Variants in KIF26B observed in about 807,000 individuals in gnomAD.
The protein encoded by KIF26B is kinesin-like protein KIF26B.
KIF26B carries 63 observed loss-of-function variants against 151.2 expected under a neutral mutation model. The ratio of observed to expected loss-of-function variants is 0.42; its 90% confidence interval spans 0.34 to 0.51. KIF26B has a LOEUF of 0.51. KIF26B is among the 20% of genes least tolerant of loss of function. The pLI is 0.07. For synonymous variants in KIF26B, 1,357 were observed against 1,262.1 expected, an observed-to-expected ratio of 1.08 and a Z score of -1.59; for missense variants, 2,813 against 2,913.6, an observed-to-expected ratio of 0.97 and a Z score of 0.79.
In KIF26B at chr1:245,698,362, G is replaced by A; in HGVS notation, c.6027+54G>A. 6.6e-7 allele frequency: 1 copy of A among 1,524,430 alleles called. No individual in the cohort carries two copies. Among genetic ancestry groups the A allele is most frequent in the Non-Finnish European group, 9.0e-7 (1 of 1,113,922 alleles). The allele number at this position is 1,524,430 out of a possible 1,614,324, so 94.4% of individuals were successfully genotyped here. On this transcript the variant is annotated intron_variant, in intron 13 of 14. Coordinates refer to ENST00000407071, the MANE Select transcript of KIF26B (RefSeq NM_018012.4). The surrounding 1 kb of genome is among the most constrained non-coding windows in gnomAD (Gnocchi z 4.0). ...CTACGTGGTGGCAGCTCCCCACCAAGCCTGAGCAGGTGCTAGGCAGGGCCC... is the reference window on the plus strand; with the variant it reads ...CTACGTGGTGGCAGCTCCCCACCAAACCTGAGCAGGTGCTAGGCAGGGCCC...
intron 2 of KIF26B, among the ~76,000 whole-genome samples, chr1:245,300,020 T>C (rs1671401827): frequency 6.6e-6 from 1 of 152,192 alleles, no homozygotes; most frequent in Non-Finnish European, 1.5e-5. Flanking sequence ...ATAGCAGACA[T>C]TGCAAAATGT....
intron 10 of KIF26B, among the ~76,000 whole-genome samples, chr1:245,677,668 A>T (rs1312739375): frequency 1.3e-5 from 2 of 152,242 alleles, no homozygotes; most frequent in Non-Finnish European, 2.9e-5. Context: ...CAGAGCAGAT[A>T]CCTTCCCCAG....
chr1:245,498,586 TATACTGA>T (rs1378022796), intron 4 of KIF26B, among the ~76,000 whole-genome samples: 1 of 152,212 alleles, frequency 6.6e-6, no homozygotes, highest in Non-Finnish European at 1.5e-5. Context: ...CTCAATCATG[TATACTGA>T]GCTTTCTTCC....
intron 4 of KIF26B, among the ~76,000 whole-genome samples, chr1:245,471,832 C>G (rs1659921985): frequency 6.6e-6 from 1 of 151,590 alleles, no homozygotes; most frequent in African/African-American, 2.4e-5. Context: ...GCTCTTGTCT[C>G]CCAGGCTGGA....
rs544925416 is a variant in KIF26B, at chr1:245,401,950, A to C, written c.1000-17629A>C. Among the ~76,000 whole-genome samples, 3 of 151,938 alleles carry C rather than the reference A, an allele frequency of 2.0e-5. No homozygotes were observed. In the East Asian group the frequency reaches 5.8e-4, roughly 29 times the overall value. ...CCCCCGAAACAGCAACAACAACAAC[A>C]AAAAAAACACCCCACTGCAAATAGC... On this transcript the variant is annotated intron_variant, in intron 3 of 14. Coordinates refer to ENST00000407071, the MANE Select transcript of KIF26B (RefSeq NM_018012.4).
At chr1:245,385,260 G>A (rs1005322789) in intron 3 of KIF26B, among the ~76,000 whole-genome samples, 3 of 152,216 alleles carry the variant, frequency 2.0e-5, no homozygotes, top group Admixed American at 2.0e-4. Flanking sequence ...CCTCTTCTAA[G>A]TAGAAATTAA....
intron 10 of KIF26B, among the ~76,000 whole-genome samples, chr1:245,658,056 T>C (rs2044093015): frequency 1.3e-5 from 2 of 152,188 alleles, no homozygotes; most frequent in Admixed American, 6.5e-5. Context: ...TCTTATAGGT[T>C]TTACCACCTA....
intron 4 of KIF26B, among the ~76,000 whole-genome samples, chr1:245,499,091 A>G (rs1286587573): frequency 6.6e-6 from 1 of 152,156 alleles, no homozygotes; most frequent in South Asian, 2.1e-4. Context: ...GTTTTTATCT[A>G]GACCAAATCT....
intron 2 of KIF26B, among the ~76,000 whole-genome samples, chr1:245,356,330 T>C (rs1263338593): frequency 6.6e-6 from 1 of 151,968 alleles, no homozygotes; most frequent in Non-Finnish European, 1.5e-5. Flanking sequence ...CTGAGGTGGG[T>C]GGATCACCTG....
intron 2 of KIF26B, among the ~76,000 whole-genome samples, chr1:245,295,435 C>G (rs1253424078): frequency 6.6e-6 from 1 of 152,198 alleles, no homozygotes; most frequent in Non-Finnish European, 1.5e-5. Context: ...AAGGAAGACA[C>G]AGAGAACTCT....
chr1:245,646,839 G>A (rs987135032), intron 10 of KIF26B, among the ~76,000 whole-genome samples: 2 of 152,178 alleles, frequency 1.3e-5, no homozygotes, highest in Non-Finnish European at 2.9e-5. Context: ...GCCTTCCCAT[G>A]CAAATGTTTA....
intron 5 of KIF26B, among the ~76,000 whole-genome samples, chr1:245,596,613 G>T (rs1184787937): frequency 6.6e-6 from 1 of 152,180 alleles, no homozygotes; most frequent in Non-Finnish European, 1.5e-5. Context: ...TGTATATTCT[G>T]TTGATTTGGG....
In KIF26B at chr1:245,313,166, A is replaced by AAAC. The variant is rs2102983271; in HGVS notation, c.466-53665_466-53663dup. Among the ~76,000 whole-genome samples the AAAC allele has an allele frequency of 1.3e-5, 2 of 151,068 alleles. 1 individual carries two copies. Among genetic ancestry groups the AAAC allele is most frequent in the South Asian group, 4.2e-4 (2 of 4,810 alleles). Reference sequence around the variant, plus strand: ...AGAGTGAGACTCCATCTCAAAAAACAAACAAACAAACAAACAAACAAAAAG... The same window carrying AAAC: ...AGAGTGAGACTCCATCTCAAAAAACAAACAACAAACAAACAAACAAACAAAAAG... On this transcript the variant is annotated intron_variant, in intron 2 of 14. Coordinates refer to ENST00000407071, the MANE Select transcript of KIF26B (RefSeq NM_018012.4).
At chr1:245,421,538 C>T (rs1658486943) in intron 4 of KIF26B, among the ~76,000 whole-genome samples, 1 of 152,060 alleles carries the variant, frequency 6.6e-6, no homozygotes, top group Admixed American at 6.5e-5. Flanking sequence ...ATTACCTGGC[C>T]TCGATCCTAG....
intron 10 of KIF26B, among the ~76,000 whole-genome samples, chr1:245,662,550 T>G (rs1224061296): frequency 1.1e-5 from 1 of 91,896 alleles, no homozygotes; most frequent in Non-Finnish European, 2.2e-5. Flanking sequence ...ACACACCCAA[T>G]GATATATATA....
intron 10 of KIF26B, among the ~76,000 whole-genome samples, chr1:245,674,207 C>T (rs76170164): frequency 2.6e-5 from 4 of 152,102 alleles, no homozygotes; most frequent in South Asian, 4.2e-4. Flanking sequence ...GGTCACAGAC[C>T]GTTGCAAAGG....
chr1:245,407,510 C>T (rs186489187), intron 3 of KIF26B, among the ~76,000 whole-genome samples: 14 of 152,092 alleles, frequency 9.2e-5, no homozygotes, highest in Non-Finnish European at 1.6e-4. Flanking sequence ...TCCTTGTTTG[C>T]CCTTTCTTCC....
intron 5 of KIF26B, among the ~76,000 whole-genome samples, chr1:245,561,583 C>T (rs1252692426): frequency 3.9e-5 from 6 of 152,222 alleles, no homozygotes; most frequent in Admixed American, 3.9e-4. Flanking sequence ...ATACGTAATA[C>T]ATTCACATAC....
At chr1:245,433,612 A>G (rs575165569) in intron 4 of KIF26B, among the ~76,000 whole-genome samples, 97 of 152,274 alleles carry the variant, frequency 6.4e-4, no homozygotes, top group African/African-American at 2.3e-3. Flanking sequence ...TAAATGGCAT[A>G]TTTTCCATTG....
Sources: gnomAD v4.1 joint callset for allele counts (sites outside exome capture counted in the v4.1 genomes callset) on GRCh38, gnomAD v4.1.1 for gene constraint, Gnocchi (gnomAD v3.1) non-coding constraint, MANE v1.5 for transcripts, NCBI Gene and HGNC (gene_info 2026-07-23, HGNC 2026-07-21) for gene names.